The following NCOA2 variants were observed in gnomAD, a reference collection of about 807,000 sequenced individuals.
NCOA2 encodes the protein nuclear receptor coactivator 2, also known as class E basic helix-loop-helix protein 75.
In NCOA2, 21 loss-of-function variants were observed where a neutral mutation model predicts 145.1. The ratio of observed to expected loss-of-function variants is 0.14; its 90% CI spans 0.10 to 0.21. The LOEUF (loss-of-function observed/expected upper bound fraction) is 0.21. Ranked by LOEUF, NCOA2 falls within the 10% of genes least tolerant of loss-of-function variation. The probability of loss-of-function intolerance (pLI) is 1.00; values close to 1 mark genes in which losing one functional copy is unlikely to be tolerated. For missense variants in NCOA2, 1,472 were observed against 1,837.6 expected (o/e 0.80, Z 3.64); for synonymous variants, 619 against 637.5 (o/e 0.97, Z 0.44).
chr8:70,162,476 C>G (rs927403935), intron 9 of NCOA2, among the ~76,000 whole-genome samples: 6 of 152,144 alleles, frequency 3.9e-5, no homozygotes, highest in Non-Finnish European at 7.4e-5. Context: ...AGAAAATGAC[C>G]TCTTCCTCCT....
At position 70,155,993 on chromosome 8, in the gene NCOA2, A is replaced by T. The variant is rs1435162790; in HGVS notation, c.2372T>A (p.Met791Lys). The change falls in exon 11 of 23, where the codon ATG becomes AAG. Residue 791 changes from methionine (M) to lysine (K), a missense_variant. Physicochemically the swap from Met to Lys is moderately conservative, Grantham distance 95. Coordinates refer to ENST00000452400, the MANE Select transcript of NCOA2 (RefSeq NM_006540.4). ...TACCTGGTCACCAGGCTCAAAGCTC[A>T]TCTCCTCCTTCTCAGTTTTCATTGC... ...LIAMKTEKEE[M>K]SFEPGDQPGS... 6.3e-7 allele frequency: 1 copy of T among 1,587,968 alleles called. No homozygotes were observed. The highest frequency in any genetic ancestry group is 8.6e-7 in the Non-Finnish European group (1 of 1,168,446).
At chr8:70,238,137 T>G (rs1209502529) in intron 2 of NCOA2, among the ~76,000 whole-genome samples, 1 of 151,942 alleles carries the variant, frequency 6.6e-6, no homozygotes, top group African/African-American at 2.4e-5. Context: ...AGTCAATGAA[T>G]AAGCATGTGC....
At chr8:70,220,652 T>TA (rs1424427288) in intron 2 of NCOA2, among the ~76,000 whole-genome samples, 1 of 152,212 alleles carries the variant, frequency 6.6e-6, no homozygotes, top group Non-Finnish European at 1.5e-5. Context: ...AATAAAATGT[T>TA]AAACCTCAAC....
intron 3 of NCOA2, among the ~76,000 whole-genome samples, chr8:70,215,117 GT>G (rs1336818482): frequency 1.3e-5 from 2 of 151,552 alleles, no homozygotes; most frequent in African/African-American, 2.4e-5. Context: ...TCAGAATTTG[GT>G]TTTTTTTCTA....
chr8:70,415,823 TA>T, the NCOA2 span, among the ~76,000 whole-genome samples: 1 of 152,218 alleles, frequency 6.6e-6, no homozygotes, highest in South Asian at 2.1e-4. Flanking sequence ...GGTAGCATTG[TA>T]ACAGAAGACA....
Position 70,330,210 on chromosome 8 carries a change from G to GATA in NCOA2, c.-76-33411_-76-33410insTAT, listed in dbSNP as rs1439215928. ...ACACTCAATAAATGATGATGATGAT[G>GATA]ATGATAATGATGATGATGATGATGA... On this transcript the variant is annotated intron_variant, in intron 1 of 22. Transcript: ENST00000452400. Among the ~76,000 whole-genome samples, 21 of 128,286 alleles carry GATA rather than the reference G, an allele frequency of 1.6e-4. No individual in the cohort carries two copies. The South Asian group carries it at 2.1e-3, about 13-fold the overall frequency. 84.2% of individuals were successfully genotyped at this position (128,286 alleles called of 152,430 possible).
chr8:70,315,953 A>G (rs1156786890), intron 1 of NCOA2, among the ~76,000 whole-genome samples: 1 of 152,194 alleles, frequency 6.6e-6, no homozygotes, highest in Admixed American at 6.5e-5. Context: ...GTATAATATT[A>G]TGGTAGGCAG....
At chr8:70,266,760 T>C (rs1040348261) in intron 2 of NCOA2, among the ~76,000 whole-genome samples, 2 of 152,218 alleles carry the variant, frequency 1.3e-5, no homozygotes, top group African/African-American at 4.8e-5. Context: ...TCAATATTTA[T>C]TGGATGCCTA....
In NCOA2 at chr8:70,276,382, C is replaced by G. The variant is rs115200648; in HGVS notation, c.-20+20362G>C. On this transcript the variant is annotated intron_variant, in intron 2 of 22. Coordinates refer to ENST00000452400, the MANE Select transcript of NCOA2 (RefSeq NM_006540.4). ...ATTGAGGCGATTTAAGAAGTAAATT[C>G]AAAATATGGCAGCAAAAACTTCTGA... 9.7e-3 allele frequency among the ~76,000 whole-genome samples: 1,482 copies of G among 152,150 alleles called. 20 individuals carry two copies. The highest frequency in any genetic ancestry group is 0.032 in the African/African-American group (1,340 of 41,520).
At chr8:70,177,393 C>T (rs567152828) in intron 4 of NCOA2, among the ~76,000 whole-genome samples, 1 of 152,268 alleles carries the variant, frequency 6.6e-6, no homozygotes, top group Non-Finnish European at 1.5e-5. Context: ...CTCAATAGCA[C>T]CGTCCCTATT....
At chr8:70,371,044 T>C (rs1811166723) in intron 1 of NCOA2, among the ~76,000 whole-genome samples, 1 of 152,100 alleles carries the variant, frequency 6.6e-6, no homozygotes, top group Non-Finnish European at 1.5e-5. Context: ...TCCCAGCACT[T>C]TGGGAGGCCG....
chr8:70,373,432 T>C (rs1478198656), intron 1 of NCOA2, among the ~76,000 whole-genome samples: 2 of 152,198 alleles, frequency 1.3e-5, no homozygotes, highest in Non-Finnish European at 2.9e-5. Flanking sequence ...GTTATAAGAG[T>C]TCTTTACATA....
intron 2 of NCOA2, among the ~76,000 whole-genome samples, chr8:70,269,092 C>T (rs1156819627): frequency 3.3e-5 from 5 of 151,912 alleles, no homozygotes; most frequent in African/African-American, 1.2e-4. Flanking sequence ...TATTTACTTC[C>T]AAGAATTTTA....
At chr8:70,365,380 G>T (rs574451327) in intron 1 of NCOA2, among the ~76,000 whole-genome samples, 1 of 152,032 alleles carries the variant, frequency 6.6e-6, no homozygotes, top group East Asian at 1.9e-4. Flanking sequence ...AAAAAAAACA[G>T]GTATGACAAC....
intron 1 of NCOA2, among the ~76,000 whole-genome samples, chr8:70,336,119 A>G (rs1456031769): frequency 6.6e-6 from 1 of 152,146 alleles, no homozygotes; most frequent in Non-Finnish European, 1.5e-5. Context: ...TACCTATGAC[A>G]TTACTGCGAA....
chr8:70,451,400 CAAAAA>C, the NCOA2 span, among the ~76,000 whole-genome samples: 1 of 67,498 alleles, frequency 1.5e-5, no homozygotes, highest in African/African-American at 6.0e-5. Flanking sequence ...AGAGTGAGAC[CAAAAA>C]AAAAAAAAAA....
intron 1 of NCOA2, among the ~76,000 whole-genome samples, chr8:70,353,218 T>C (rs543995112): frequency 3.3e-5 from 5 of 151,844 alleles, no homozygotes; most frequent in Admixed American, 1.3e-4. Context: ...CCTTAAGATA[T>C]TTGAAGAAAC....
At chr8:70,138,855 C>A (rs1233432501) in intron 14 of NCOA2, among the ~76,000 whole-genome samples, 2 of 152,236 alleles carry the variant, frequency 1.3e-5, no homozygotes, top group African/African-American at 4.8e-5. Flanking sequence ...CGCATTTCAT[C>A]TTCTGTGATA....
chr8:70,425,498 C>T, the NCOA2 span, among the ~76,000 whole-genome samples: 3 of 152,124 alleles, frequency 2.0e-5, no homozygotes, highest in South Asian at 2.1e-4. Context: ...TTCCCTGCCC[C>T]ATTCCTCTAC....
Sources: gnomAD v4.1 joint callset for allele counts (sites outside exome capture counted in the v4.1 genomes callset) on GRCh38, gnomAD v4.1.1 for gene constraint, MANE v1.5 for transcripts, NCBI Gene and HGNC (gene_info 2026-07-23, HGNC 2026-07-21) for gene names.